NPEPL1: variants seen among roughly 807,000 people sequenced by gnomAD.
NPEPL1 encodes aminopeptidase like 1.
In NPEPL1, 45 loss-of-function variants were observed where a neutral mutation model predicts 52.4. The ratio of observed to expected loss-of-function variants is 0.86; its 90% CI spans 0.68 to 1.10. The LOEUF is 1.10. NPEPL1 is among the 50% of genes least tolerant of loss of function. The probability of loss-of-function intolerance (pLI) is 0.00; values close to 1 mark genes in which losing one functional copy is unlikely to be tolerated. For synonymous variants in NPEPL1, 360 were observed against 314.7 expected (o/e 1.14, Z -1.52); for missense variants, 696 against 710.9 (o/e 0.98, Z 0.24).
In NPEPL1 at chr20:58,692,956, G is replaced by C. The variant is rs1219254788; in HGVS notation, c.56G>C (p.Ser19Thr). 1.7e-6 allele frequency: 2 copies of C among 1,186,266 alleles called. No homozygotes were observed. Among genetic ancestry groups the C allele is most frequent in the Non-Finnish European group, 1.1e-6 (1 of 940,104 alleles). 73.5% of individuals were successfully genotyped at this position (1,186,266 alleles called of 1,614,324 possible). Reference sequence around the variant, plus strand: ...AGCGCGGGGGACTCGGACCCACAGAGCCGGCCCCTGCTGCTGCTCGGGCAG... The same window carrying C: ...AGCGCGGGGGACTCGGACCCACAGACCCGGCCCCTGCTGCTGCTCGGGCAG... ...QASAGDSDPQ[S>T]RPLLLLGQLH... Residue 19 changes from serine to threonine, a missense_variant, in exon 1 of 12, where the codon AGC becomes ACC. Transcript: ENST00000356091. The surrounding 1 kb of genome is among the most constrained non-coding windows in gnomAD (Gnocchi z 5.7).
chr20:58,701,237 G>A (rs1453632172), intron 6 of NPEPL1, 79 bp downstream of exon 6: 4 of 514,122 alleles, frequency 7.8e-6, no homozygotes, highest in Non-Finnish European at 1.0e-5. Flanking sequence ...TCTCCCGGGT[G>A]CCCTGGGGGT....
upstream of NPEPL1, chr20:58,691,364 C>CTTT (rs59929508): frequency 6.3e-4 from 111 of 177,304 alleles, 28 homozygotes; most frequent in African/African-American, 9.7e-4. Flanking sequence ...CATTCAACAG[C>CTTT]TTTTTTTTTT....
In NPEPL1 at chr20:58,713,634, G is replaced by A. The variant is rs968737531; in HGVS notation, c.1125+91G>A. 4 of 1,429,248 alleles carry A rather than the reference G, an allele frequency of 2.8e-6. No individual in the cohort carries two copies. The highest frequency in any genetic ancestry group is 3.7e-6 in the Non-Finnish European group (4 of 1,085,244). 88.5% of individuals were successfully genotyped at this position (1,429,248 alleles called of 1,614,324 possible). A position where few individuals can be genotyped will look rare whatever the true frequency, so the allele number is the denominator to read the frequency against. On this transcript the variant is annotated intron_variant, in intron 9 of 11. Transcript: ENST00000356091. This position sits in a 1 kb window ranked among gnomAD's most constrained non-coding sequence, Gnocchi z 4.6. ...AAGGTGGGGAAGGCAGCGCGTGGGG[G>A]CTGCCGTCAGGAAGTTTTCATAACT...
chr20:58,693,906 C>CGCATCGCT lies in NPEPL1; in HGVS notation c.325_332dup (p.Val112AlafsTer4). On this transcript the variant is annotated frameshift_variant, in exon 2 of 12. Transcript: ENST00000356091. LOFTEE classifies it high-confidence loss of function. ...GTGCGGACCTGCCTGCCGCCCGGAG[C>CGCATCGCT]GCATCGCTGCATTGTGGTGAGTGCT... is the stretch of plus-strand genomic sequence containing the variant. 1 of 1,605,386 alleles carries CGCATCGCT rather than the reference C, an allele frequency of 6.2e-7. No homozygotes were observed. The highest frequency in any genetic ancestry group is 1.3e-5 in the African/African-American group (1 of 74,832).
At chr20:58,695,744 C>CT (rs1015681675) in intron 3 of NPEPL1, among the ~76,000 whole-genome samples, 4 of 152,210 alleles carry the variant, frequency 2.6e-5, no homozygotes, top group Non-Finnish European at 5.9e-5. Flanking sequence ...GATAGCTCCC[C>CT]TTTTTTCCCT....
At chr20:58,699,147 G>A in intron 4 of NPEPL1, 50 bp from the exon 5 acceptor site, 1 of 1,505,618 alleles carries the variant, frequency 6.6e-7, no homozygotes, top group Non-Finnish European at 9.1e-7. Flanking sequence ...CCTGTTTCCA[G>A]CCATCTTCAT....
chr20:58,694,369 A>ATTCC, intron 2 of NPEPL1, 53 bp from the exon 3 acceptor site: 1 of 1,531,632 alleles, frequency 6.5e-7, no homozygotes, highest in Non-Finnish European at 8.8e-7. Context: ...AGCTCCCTGC[A>ATTCC]CTCCCTGGTG....
chr20:58,690,609 G>C (rs1315523577), upstream of NPEPL1, among the ~76,000 whole-genome samples: 2 of 152,278 alleles, frequency 1.3e-5, no homozygotes, highest in African/African-American at 4.8e-5. Context: ...TTCAATTCGG[G>C]GGTGGCTTAA....
chr20:58,692,662 C>T (rs1425719017), upstream of NPEPL1: 2 of 287,128 alleles, frequency 7.0e-6, no homozygotes, highest in Non-Finnish European at 5.2e-6. The surrounding 1 kb of genome is among the most constrained non-coding windows in gnomAD (Gnocchi z 5.7). Flanking sequence ...TCGGGGCCGG[C>T]TTCGGGCCTG....
intron 6 of NPEPL1, among the ~76,000 whole-genome samples, chr20:58,705,217 A>G (rs908890068): frequency 6.6e-6 from 1 of 152,190 alleles, no homozygotes; most frequent in Non-Finnish European, 1.5e-5. Context: ...TATCTGCCAG[A>G]TACCTAAATC....
chr20:58,712,112 C>CGT (rs3040648), intron 7 of NPEPL1, among the ~76,000 whole-genome samples: 3 of 84,444 alleles, frequency 3.6e-5, no homozygotes, highest in African/African-American at 5.5e-5. Flanking sequence ...TGTGTGTGTA[C>CGT]GTGTGTGTGT....
chr20:58,700,981 C>T (rs1482881533), intron 5 of NPEPL1, 35 bp from the exon 6 acceptor site: 39 of 1,499,074 alleles, frequency 2.6e-5, no homozygotes, highest in East Asian at 5.2e-5. Flanking sequence ...CAGCTCAGCC[C>T]GAGCCTAACC....
rs1213812952 is a variant in NPEPL1 at position 58,701,103 on chromosome 20, C to T, written c.767C>T (p.Ala256Val). 6.3e-7 allele frequency: 1 copy of T among 1,592,138 alleles called. No individual in the cohort carries two copies. The highest frequency in any genetic ancestry group is 8.5e-7 in the Non-Finnish European group (1 of 1,170,298). Residue 256 changes from alanine to valine, a missense_variant, in exon 6 of 12, where the codon GCC becomes GTC. By Grantham distance (64) the Ala-to-Val change is moderately conservative. Coordinates refer to ENST00000356091, the MANE Select transcript of NPEPL1 (RefSeq NM_024663.4). ...CCAGATGGAGCCACGCAGACCATCG[C>T]CTGGGTGGGCAAAGGCATCGTCTAT... ...HTPDGATQTI[A>V]WVGKGIVYDT...
rs761297985 is a variant in NPEPL1, at chr20:58,694,409, C to G, written c.337-13C>G. On this transcript the variant is annotated splice_polypyrimidine_tract_variant and intron_variant, in intron 2 of 11. Coordinates refer to ENST00000356091, the MANE Select transcript of NPEPL1 (RefSeq NM_024663.4). The stretch of plus-strand genomic sequence containing the variant: ...CCCTTGCACCCCTCACGCCGTCTCC[C>G]TATGTGCCACAGATGGTCTGCGAGC... 6.2e-7 allele frequency: 1 copy of G among 1,601,222 alleles called. No homozygotes were observed. The highest frequency in any genetic ancestry group is 8.5e-7 in the Non-Finnish European group (1 of 1,173,432).
Position 58,699,269 on chromosome 20 carries a change from G to A in NPEPL1, c.670G>A (p.Gly224Arg). The change falls in exon 5 of 12, where the codon GGA (glycine) becomes AGA (arginine). Residue 224 changes from glycine to arginine, a missense_variant. By Grantham distance (125) the Gly-to-Arg change is moderately radical (BLOSUM62 -2). Transcript: ENST00000356091. ...IIRDEELKTR[G>R]FGGIYGVGKA... ...CCGGGATGAGGAACTGAAGACGAGA[G>A]GATTTGGAGGTGGGTGGGGGCTGCA... The A allele has an allele frequency of 1.2e-6, 2 of 1,605,622 alleles. No individual in the cohort carries two copies. The highest frequency in any genetic ancestry group is 8.5e-7 in the Non-Finnish European group (1 of 1,175,880).
upstream of NPEPL1, chr20:58,691,476 T>C (rs76779313): frequency 7.4e-3 from 4,914 of 667,436 alleles, 142 homozygotes; most frequent in African/African-American, 0.077. Context: ...TTCAGGATGC[T>C]GAAGCTCTAG....
At chr20:58,696,835 C>T (rs1309313515) in intron 3 of NPEPL1, among the ~76,000 whole-genome samples, 1 of 152,360 alleles carries the variant, frequency 6.6e-6, no homozygotes, top group South Asian at 2.1e-4. Flanking sequence ...CTGTGAGATA[C>T]ATCCTGTTGT....
At position 58,701,133 on chromosome 20, in the gene NPEPL1, C is replaced by A. The variant is rs1406510759; in HGVS notation, c.797C>A (p.Thr266Asn). ...AWVGKGIVYD[T>N]GGLSIKGKTT... ...GTGGGCAAAGGCATCGTCTATGACA[C>A]TGGAGGCCTCAGCATCAAAGGGAAG... Residue 266 changes from threonine to asparagine, a missense_variant, in exon 6 of 12, where the codon ACT becomes AAT. Thr to Asn is a moderately conservative substitution (Grantham distance 65). Transcript: ENST00000356091. 6.3e-7 allele frequency: 1 copy of A among 1,578,542 alleles called. No individual in the cohort carries two copies.
intron 7 of NPEPL1, among the ~76,000 whole-genome samples, chr20:58,709,179 C>A (rs904474839): frequency 1.3e-5 from 2 of 151,796 alleles, no homozygotes; most frequent in Non-Finnish European, 2.9e-5. Flanking sequence ...ACCCCACCCC[C>A]ACTCTGGACA....
Sources: allele counts gnomAD v4.1 joint callset (sites outside exome capture counted in the v4.1 genomes callset), GRCh38; gene constraint gnomAD v4.1.1; non-coding constraint Gnocchi (gnomAD v3.1); transcripts MANE v1.5; gene names NCBI Gene and HGNC (gene_info 2026-07-23, HGNC 2026-07-21).